Variants in PRPF18 observed in about 807,000 individuals in gnomAD.
PRPF18 encodes pre-mRNA processing factor 18.
In PRPF18, 38 loss-of-function variants were observed where a neutral mutation model predicts 46.5. That is an observed-to-expected ratio of 0.82 (90% confidence interval 0.63 to 1.07). The LOEUF (loss-of-function observed/expected upper bound fraction) is 1.07, where lower values mean the gene tolerates loss of function less well. Among genes scored for constraint, PRPF18 ranks in the 50% least tolerant of loss-of-function variants. The pLI, the probability that PRPF18 is intolerant of heterozygous loss-of-function variation, is 0.00. For missense variants in PRPF18, 263 were observed against 410.0 expected (o/e 0.64, Z 3.10); for synonymous variants, 152 against 146.7 (o/e 1.04, Z -0.26).
intron 3 of PRPF18, among the ~76,000 whole-genome samples, chr10:13,602,819 G>A (rs905732336): frequency 3.9e-5 from 6 of 152,128 alleles, no homozygotes; most frequent in African/African-American, 1.4e-4. Context: ...TGCAACCTCC[G>A]CCTCCCGGGT....
Position 13,605,695 on chromosome 10 carries a change from C to T in PRPF18, c.314C>T (p.Ala105Val). 1 of 1,612,462 alleles carries T rather than the reference C, an allele frequency of 6.2e-7. No individual in the cohort carries two copies. The highest frequency in any genetic ancestry group is 8.5e-7 in the Non-Finnish European group (1 of 1,179,344). Residue 105 changes from alanine (A) to valine (V), a missense_variant, in exon 4 of 10, where the codon GCT becomes GTT. Physicochemically the swap from Ala to Val is moderately conservative, Grantham distance 64 (BLOSUM62 0). Transcript: ENST00000378572. ...CTATTTGGAGAGACTGATTATGATG[C>T]TTTTCAACGTTTAAGGAAAATAGAG... ...IRLFGETDYD[A>V]FQRLRKIEIL...
intron 9 of PRPF18, among the ~76,000 whole-genome samples, chr10:13,628,721 T>C (rs1485735851): frequency 6.6e-6 from 1 of 152,136 alleles, no homozygotes; most frequent in Non-Finnish European, 1.5e-5. Flanking sequence ...GTTTTGGTGA[T>C]TTTATTGAGC....
intron 4 of PRPF18, among the ~76,000 whole-genome samples, 178 bp downstream of exon 4, chr10:13,605,922 G>A (rs150256764): frequency 6.6e-6 from 1 of 152,100 alleles, no homozygotes; most frequent in Admixed American, 6.6e-5. Flanking sequence ...AACATTTAAT[G>A]CATTTTGACA....
At chr10:13,652,084 C>T in the PRPF18 span, 3 of 739,084 alleles carry the variant, frequency 4.1e-6, no homozygotes, top group Non-Finnish European at 5.0e-6. Flanking sequence ...GAAAGGCTTG[C>T]TGATTAGACA....
intron 9 of PRPF18, among the ~76,000 whole-genome samples, chr10:13,621,494 TCTC>T (rs1341481067): frequency 6.6e-6 from 1 of 152,122 alleles, no homozygotes; most frequent in Non-Finnish European, 1.5e-5. Context: ...CAGTGGCCAC[TCTC>T]CTCCTTTGCC....
the PRPF18 span, chr10:13,651,973 C>G: frequency 1.9e-6 from 3 of 1,566,766 alleles, no homozygotes; most frequent in South Asian, 3.3e-5. Flanking sequence ...TCTGTTGCTT[C>G]TCTGAACAAA....
At chr10:13,635,770 T>C (rs1210566581), downstream of PRPF18, among the ~76,000 whole-genome samples, 1 of 152,190 alleles carries the variant, frequency 6.6e-6, no homozygotes, top group Non-Finnish European at 1.5e-5. Context: ...ATTAAAGCAA[T>C]TATCAGTAGA....
intron 1 of PRPF18, among the ~76,000 whole-genome samples, chr10:13,596,197 G>A (rs2080032902): frequency 6.6e-6 from 1 of 152,144 alleles, no homozygotes. Context: ...TGGAGAAACT[G>A]GGGCTAGTTT....
At chr10:13,625,235 T>A (rs2080483890) in intron 9 of PRPF18, among the ~76,000 whole-genome samples, 1 of 152,100 alleles carries the variant, frequency 6.6e-6, no homozygotes, top group African/African-American at 2.4e-5. Flanking sequence ...GGAGGATTGC[T>A]TGAGCCCAGG....
At chr10:13,649,586 C>G in the PRPF18 span, 4 of 152,298 alleles carry the variant, frequency 2.6e-5, no homozygotes, top group South Asian at 4.1e-4. Context: ...TTTTTCCAAA[C>G]TTGCGATGTT....
At chr10:13,612,856 G>A (rs950002918) in intron 6 of PRPF18, among the ~76,000 whole-genome samples, 2 of 151,882 alleles carry the variant, frequency 1.3e-5, no homozygotes, top group Non-Finnish European at 2.9e-5. Context: ...TTGCTGACTT[G>A]CTGATTCCAA....
the PRPF18 span, chr10:13,639,519 C>A: frequency 4.0e-5 from 6 of 148,658 alleles, no homozygotes; most frequent in East Asian, 1.9e-4. Flanking sequence ...TAACGTGGGC[C>A]AAAAAAAAAA....
chr10:13,625,747 C>G (rs2080494319), intron 9 of PRPF18, among the ~76,000 whole-genome samples: 1 of 152,132 alleles, frequency 6.6e-6, no homozygotes, highest in African/African-American at 2.4e-5. Flanking sequence ...TACAAAGGTG[C>G]AGGAATTAAA....
intron 5 of PRPF18, among the ~76,000 whole-genome samples, chr10:13,611,209 A>G (rs6602670): frequency 0.43 from 50,032 of 115,780 alleles, 9,806 homozygotes; most frequent in East Asian, 0.85. Context: ...TTTTTTTCCT[A>G]TTGGTGTATT....
the PRPF18 span, among the ~76,000 whole-genome samples, chr10:13,636,588 T>C: frequency 6.6e-6 from 1 of 152,230 alleles, no homozygotes; most frequent in Non-Finnish European, 1.5e-5. Context: ...GTAAATTTTC[T>C]TATTGGCAGT....
At chr10:13,635,807 T>A (rs916293975), downstream of PRPF18, among the ~76,000 whole-genome samples, 2 of 152,212 alleles carry the variant, frequency 1.3e-5, no homozygotes, top group African/African-American at 2.4e-5. Flanking sequence ...ACCTGTTAGA[T>A]GAATCTAGGA....
the PRPF18 span, chr10:13,641,328 T>G: frequency 6.6e-6 from 1 of 152,172 alleles, no homozygotes. Flanking sequence ...GGGCCATTCA[T>G]TGGTGAGGTT....
At position 13,616,194 on chromosome 10, in the gene PRPF18, T is replaced by C. The variant is rs1025496690; in HGVS notation, c.793-204T>C. Among the ~76,000 whole-genome samples, 14 of 152,370 alleles carry C rather than the reference T, an allele frequency of 9.2e-5. No individual in the cohort carries two copies. In the East Asian group the frequency reaches 2.7e-3, roughly 29 times the overall value. ...CTAGCTTTGGTTTCTGTTTTTTCCA[T>C]GGACATTGGTGGTCCTGGGCAGGGC... is the stretch of plus-strand genomic sequence containing the variant. On this transcript the variant is annotated intron_variant, in intron 8 of 9. Transcript: ENST00000378572.
intron 8 of PRPF18, among the ~76,000 whole-genome samples, chr10:13,615,134 G>C (rs1297342332): frequency 2.0e-5 from 3 of 152,210 alleles, no homozygotes; most frequent in African/African-American, 7.2e-5. Context: ...GTTTCTGTCA[G>C]TTGCATGATT....
Sources: gnomAD v4.1 joint callset for allele counts (sites outside exome capture counted in the v4.1 genomes callset) on GRCh38, gnomAD v4.1.1 for gene constraint, MANE v1.5 for transcripts, NCBI Gene and HGNC (gene_info 2026-07-23, HGNC 2026-07-21) for gene names.